The following NUP210L variants were observed in gnomAD, a reference collection of about 807,000 sequenced individuals.
NUP210L encodes the protein nucleoporin 210 like.
In NUP210L, 74 loss-of-function variants were observed where a neutral mutation model predicts 208.5. That is an observed-to-expected ratio of 0.35 (90% confidence interval 0.29 to 0.43). The LOEUF (loss-of-function observed/expected upper bound fraction) is 0.43. Among genes scored for constraint, NUP210L ranks in the 20% least tolerant of loss-of-function variants. NUP210L has a pLI of 1.00. For synonymous variants in NUP210L, 780 were observed against 816.9 expected (o/e 0.95, Z 0.77); for missense variants, 1,843 against 2,289.4 (o/e 0.81, Z 3.98).
intron 14 of NUP210L, among the ~76,000 whole-genome samples, chr1:154,096,594 C>A (rs1656191655): frequency 6.6e-6 from 1 of 151,518 alleles, no homozygotes; most frequent in Non-Finnish European, 1.5e-5. Context: ...AATCCCATCT[C>A]TACTAAAAAT....
chr1:154,112,832 G>T (rs1295105765), intron 12 of NUP210L, among the ~76,000 whole-genome samples: 1 of 150,464 alleles, frequency 6.6e-6, no homozygotes, highest in African/African-American at 2.4e-5. Flanking sequence ...CTCCAGCATG[G>T]GCAACAGAAT....
intron 16 of NUP210L, among the ~76,000 whole-genome samples, chr1:154,072,402 G>C (rs527595556): frequency 1.5e-5 from 2 of 130,698 alleles, no homozygotes; most frequent in Non-Finnish European, 3.1e-5. Context: ...GTGAGATCTC[G>C]GCTCACTGCA....
rs570548379 is a variant in NUP210L at position 154,121,635 on chromosome 1, G to C, written c.1327-2827C>G. Among the ~76,000 whole-genome samples, 89 of 152,332 alleles carry C rather than the reference G, an allele frequency of 5.8e-4. 2 individuals carry two copies. The South Asian group carries it at 0.016, about 27-fold the overall frequency. On this transcript the variant is annotated intron_variant, in intron 10 of 39. Transcript: ENST00000368559. ...TAATCCTAGCACTTTGGGAGGCCAAGGCGGGTGGATCACCTGAGGTCAGGA... is the reference window on the plus strand; with the variant it reads ...TAATCCTAGCACTTTGGGAGGCCAACGCGGGTGGATCACCTGAGGTCAGGA...
rs368373932 is a variant in NUP210L, at chr1:153,996,978, T to A, written c.5387-1798A>T. On this transcript the variant is annotated intron_variant, in intron 37 of 39. Transcript: ENST00000368559. ...CATCATGTCCGACTTTTTTTTTGTT[T>A]TTGAGATGGAGTTTCACTCTTGTTG... Among the ~76,000 whole-genome samples, 19 of 151,750 alleles carry A rather than the reference T, an allele frequency of 1.3e-4. No homozygotes were observed. In the East Asian group the frequency reaches 2.1e-3, roughly 17 times the overall value.
chr1:154,025,528 G>T lies in NUP210L; in HGVS notation c.4122+14C>A. 6.4e-7 allele frequency: 1 copy of T among 1,569,406 alleles called. No individual in the cohort carries two copies. The highest frequency in any genetic ancestry group is 8.7e-7 in the Non-Finnish European group (1 of 1,152,620). The stretch of plus-strand genomic sequence containing the variant: ...TTTATTTATTTGTTTTTTTTAGTAA[G>T]TCCATGAACTCACCTGGACCCCAGT... On this transcript the variant is annotated intron_variant, in intron 30 of 39. Transcript: ENST00000368559.
chr1:154,134,423 CTT>C (rs375962653), intron 7 of NUP210L, among the ~76,000 whole-genome samples: 34,096 of 129,044 alleles, frequency 0.26, 4,110 homozygotes, highest in Admixed American at 0.39. Context: ...CTCCGTGTAC[CTT>C]TTTTTTTTTT....
exon 17 of NUP210L, chr1:154,070,317 T>C (rs1460780212): frequency 6.2e-7 from 1 of 1,612,246 alleles, no homozygotes; most frequent in Non-Finnish European, 8.5e-7. Context: ...TGCTACCATT[T>C]CCACTGATTT....
At chr1:154,104,323 C>T (rs1656635608) in intron 12 of NUP210L, 113 bp from the exon 13 acceptor site, 2 of 777,972 alleles carry the variant, frequency 2.6e-6, no homozygotes, top group Non-Finnish European at 4.3e-6. Flanking sequence ...CCTGCAGGAA[C>T]ACCAAATTGA....
At chr1:154,054,648 G>T in intron 24 of NUP210L, 122 bp downstream of exon 24, 2 of 800,130 alleles carry the variant, frequency 2.5e-6, no homozygotes, top group Non-Finnish European at 4.2e-6. Flanking sequence ...TTCTTTATCA[G>T]ATCCACTAGT....
intron 3 of NUP210L, among the ~76,000 whole-genome samples, chr1:154,143,198 G>GA (rs1658943831): frequency 9.3e-6 from 1 of 107,232 alleles, no homozygotes; most frequent in African/African-American, 3.3e-5. Context: ...CCCTCCCCCT[G>GA]CCCAAAAAAA....
At chr1:154,056,864 G>A in exon 23 of NUP210L, 2 of 1,604,110 alleles carry the variant, frequency 1.2e-6, no homozygotes, top group East Asian at 2.3e-5. Flanking sequence ...CTTGTCCTTG[G>A]CAATAGCCAC....
At chr1:154,076,767 G>C (rs995387077) in intron 16 of NUP210L, among the ~76,000 whole-genome samples, 1 of 152,268 alleles carries the variant, frequency 6.6e-6, no homozygotes, top group Non-Finnish European at 1.5e-5. Flanking sequence ...CGGAGTGCTA[G>C]AAGGAGAGGA....
intron 15 of NUP210L, among the ~76,000 whole-genome samples, chr1:154,094,055 G>A (rs1656064851): frequency 6.6e-6 from 1 of 152,046 alleles, no homozygotes; most frequent in Non-Finnish European, 1.5e-5. Flanking sequence ...AGGCCGAGTT[G>A]GGCAGATCAC....
intron 37 of NUP210L, 133 bp from the exon 38 acceptor site, chr1:153,995,313 G>A: frequency 1.6e-6 from 1 of 632,904 alleles, no homozygotes; most frequent in Non-Finnish European, 2.8e-6. Flanking sequence ...GGGCAGTGGT[G>A]CGATCTCAGC....
At chr1:154,016,384 A>G (rs1250592568) in intron 33 of NUP210L, among the ~76,000 whole-genome samples, 1 of 152,190 alleles carries the variant, frequency 6.6e-6, no homozygotes, top group African/African-American at 2.4e-5. Context: ...GAGACATTAC[A>G]TATATTTAAG....
rs754927242 is a variant in NUP210L at position 154,143,613 on chromosome 1, T to C, written c.341-36A>G. 6 of 1,580,426 alleles carry C rather than the reference T, an allele frequency of 3.8e-6. No homozygotes were observed. The East Asian group carries it at 6.7e-5, about 18-fold the overall frequency. The stretch of plus-strand genomic sequence containing the variant: ...CCCAAAAACTGAGTATTTAATTCAA[T>C]AGGTCATGAATCTATTAAATGTCTC... On this transcript the variant is annotated intron_variant, in intron 2 of 39. Coordinates refer to ENST00000368559, the Ensembl canonical transcript of NUP210L.
At position 154,023,314 on chromosome 1, in the gene NUP210L, C is replaced by A; in HGVS notation, c.4123-17G>T. 6.3e-7 allele frequency: 1 copy of A among 1,590,760 alleles called. No individual in the cohort carries two copies. The highest frequency in any genetic ancestry group is 8.6e-7 in the Non-Finnish European group (1 of 1,166,854). On this transcript the variant is annotated splice_polypyrimidine_tract_variant and intron_variant, in intron 30 of 39. Transcript: ENST00000368559. ...CGGTGCTACCTGTGGGAGACAAAAC[C>A]TACTGGTACAGAGAAAGATGCACTG...
In NUP210L at chr1:154,071,438, AC is replaced by A. The variant is rs370222230; in HGVS notation, c.2362-974del. Among the ~76,000 whole-genome samples the A allele has an allele frequency of 7.8e-4, 111 of 142,622 alleles. 2 individuals carry two copies. Among genetic ancestry groups the A allele is most frequent in the African/African-American group, 2.8e-3 (109 of 39,248 alleles). The allele number at this position is 142,622 out of a possible 152,430, so 93.6% of individuals were successfully genotyped here. The stretch of plus-strand genomic sequence containing the variant: ...CCCAACTTGTAGTCTTTTATCTCTT[AC>A]CCCCCTCCACCTTTCCCCCGAGTCC... On this transcript the variant is annotated intron_variant, in intron 16 of 39. Coordinates refer to ENST00000368559, the Ensembl canonical transcript of NUP210L.
chr1:154,147,738 C>A (rs913810428), intron 2 of NUP210L, among the ~76,000 whole-genome samples: 3 of 150,562 alleles, frequency 2.0e-5, no homozygotes, highest in African/African-American at 7.3e-5. Flanking sequence ...ACCTCTGCCT[C>A]TGGGGTTCTG....
Sources: gnomAD v4.1 joint callset for allele counts (sites outside exome capture counted in the v4.1 genomes callset) on GRCh38, gnomAD v4.1.1 for gene constraint, MANE v1.5 for transcripts, NCBI Gene and HGNC (gene_info 2026-07-23, HGNC 2026-07-21) for gene names.